The following ZNF385D variants were observed in gnomAD, a reference collection of about 807,000 sequenced individuals.
ZNF385D encodes zinc finger protein 659.
ZNF385D carries 15 observed loss-of-function variants against 35.8 expected under a neutral mutation model. The ratio of observed to expected loss-of-function variants is 0.42; its 90% CI spans 0.28 to 0.64. The LOEUF is 0.64. ZNF385D is among the 30% of genes least tolerant of loss of function. The pLI is 0.23. For missense variants in ZNF385D, 474 were observed against 494.6 expected, an observed-to-expected ratio of 0.96 and a Z score of 0.39; for synonymous variants, 212 against 186.8, an observed-to-expected ratio of 1.13 and a Z score of -1.10.
intron 3 of ZNF385D, among the ~76,000 whole-genome samples, chr3:21,982,218 C>T (rs1411013391): frequency 6.7e-6 from 1 of 150,254 alleles, no homozygotes; most frequent in Non-Finnish European, 1.5e-5. Context: ...TGGGATTTTT[C>T]TTCCATTTGT....
intron 3 of ZNF385D, among the ~76,000 whole-genome samples, chr3:21,785,598 C>T (rs898431974): frequency 6.6e-6 from 1 of 152,212 alleles, no homozygotes; most frequent in African/African-American, 2.4e-5. Context: ...ATCCTACTCA[C>T]TGATTCTATA....
At chr3:21,702,374 C>T (rs2067722128) in intron 1 of ZNF385D, among the ~76,000 whole-genome samples, 1 of 152,210 alleles carries the variant, frequency 6.6e-6, no homozygotes, top group Non-Finnish European at 1.5e-5. Flanking sequence ...ACAGAGGGCA[C>T]CAAGTCCCTA....
intron 1 of ZNF385D, among the ~76,000 whole-genome samples, chr3:21,706,538 C>T (rs531370512): frequency 1.6e-3 from 250 of 152,294 alleles, no homozygotes; most frequent in African/African-American, 5.8e-3. Context: ...GGCCCCTTAA[C>T]TAGAGGCAGA....
chr3:21,835,046 A>G (rs1695242693), intron 3 of ZNF385D, among the ~76,000 whole-genome samples: 1 of 152,120 alleles, frequency 6.6e-6, no homozygotes, highest in Non-Finnish European at 1.5e-5. Context: ...AAGTGCTAGG[A>G]ACAGCTCTAG....
chr3:22,229,561 C>T (rs1256646828), intron 2 of ZNF385D, among the ~76,000 whole-genome samples: 1 of 152,152 alleles, frequency 6.6e-6, no homozygotes, highest in Non-Finnish European at 1.5e-5. Flanking sequence ...AGGAGTGTTG[C>T]TCTCTCCTTT....
At chr3:21,774,692 C>T (rs2071215652) in intron 3 of ZNF385D, among the ~76,000 whole-genome samples, 1 of 151,702 alleles carries the variant, frequency 6.6e-6, no homozygotes, top group Non-Finnish European at 1.5e-5. Flanking sequence ...TGATGATGGG[C>T]TGTGATGGGG....
chr3:21,784,533 T>C (rs911131319), intron 3 of ZNF385D, among the ~76,000 whole-genome samples: 2 of 152,134 alleles, frequency 1.3e-5, no homozygotes, highest in African/African-American at 4.8e-5. Flanking sequence ...AGAAAAATTA[T>C]GCCTGATTAG....
At chr3:22,338,863 G>C (rs916999602) in intron 2 of ZNF385D, among the ~76,000 whole-genome samples, 2 of 151,762 alleles carry the variant, frequency 1.3e-5, no homozygotes, top group African/African-American at 4.8e-5. Context: ...ACCACACCTA[G>C]CTAATTTTTG....
intron 3 of ZNF385D, among the ~76,000 whole-genome samples, chr3:22,162,692 A>G (rs1036345138): frequency 6.6e-6 from 1 of 152,254 alleles, no homozygotes; most frequent in African/African-American, 2.4e-5. Context: ...AACTTCAACC[A>G]TTTGGCCTCT....
At chr3:22,147,926 G>GA (rs527674987) in intron 3 of ZNF385D, among the ~76,000 whole-genome samples, 34 of 152,194 alleles carry the variant, frequency 2.2e-4, no homozygotes, top group Middle Eastern at 6.8e-3. Context: ...CTCCAATACA[G>GA]AAAAAAAGTC....
rs182059267 is a variant in ZNF385D at position 22,269,311 on chromosome 3, C to T, written c.107-100276G>A. Among the ~76,000 whole-genome samples, 117 of 151,916 alleles carry T rather than the reference C, an allele frequency of 7.7e-4. 1 individual carries two copies. The highest frequency in any genetic ancestry group is 2.4e-3 in the African/African-American group (98 of 41,484). ...GGCATCCTTGGTGGCTATAAGACCA[C>T]GGAAATAAAAGGTCCCCTAAGAGTT... is the stretch of plus-strand genomic sequence containing the variant. On this transcript the variant is annotated intron_variant, in intron 2 of 5. Coordinates refer to the ZNF385D transcript ENST00000494108.
chr3:22,061,483 T>C (rs1699683788), intron 3 of ZNF385D, among the ~76,000 whole-genome samples: 1 of 152,132 alleles, frequency 6.6e-6, no homozygotes, highest in Non-Finnish European at 1.5e-5. Flanking sequence ...GCAGCTAGAA[T>C]CTCACTCTTA....
At chr3:22,114,271 T>C (rs941151540) in intron 3 of ZNF385D, among the ~76,000 whole-genome samples, 1 of 152,070 alleles carries the variant, frequency 6.6e-6, no homozygotes, top group African/African-American at 2.4e-5. Context: ...TGGTGAAATA[T>C]AAATGATTCT....
chr3:22,140,618 T>C (rs144068864), intron 3 of ZNF385D, among the ~76,000 whole-genome samples: 1 of 152,334 alleles, frequency 6.6e-6, no homozygotes, highest in African/African-American at 2.4e-5. Flanking sequence ...TAAAGTACTA[T>C]GGTTTTATAA....
intron 2 of ZNF385D, among the ~76,000 whole-genome samples, chr3:22,303,450 T>C (rs1448473452): frequency 6.6e-6 from 1 of 152,162 alleles, no homozygotes; most frequent in Non-Finnish European, 1.5e-5. Context: ...AGGAGAGGTA[T>C]TTGCTTTACA....
chr3:21,496,525 TTTGA>T (rs1705893896), intron 4 of ZNF385D, among the ~76,000 whole-genome samples: 1 of 130,928 alleles, frequency 7.6e-6, no homozygotes. Context: ...TACACATATA[TTTGA>T]TATATATATC....
chr3:21,549,614 G>C (rs1046637984), intron 3 of ZNF385D, among the ~76,000 whole-genome samples: 1 of 152,130 alleles, frequency 6.6e-6, no homozygotes, highest in Non-Finnish European at 1.5e-5. Context: ...TTTTCACACA[G>C]GGTTGACCTG....
intron 1 of ZNF385D, among the ~76,000 whole-genome samples, chr3:21,676,281 C>G (rs1432383322): frequency 6.6e-6 from 1 of 152,116 alleles, no homozygotes; most frequent in Non-Finnish European, 1.5e-5. Flanking sequence ...AAAAGATACT[C>G]TGATTTCAAT....
At chr3:21,947,549 A>G (rs1284839926) in intron 3 of ZNF385D, among the ~76,000 whole-genome samples, 1 of 152,034 alleles carries the variant, frequency 6.6e-6, no homozygotes, top group Non-Finnish European at 1.5e-5. Context: ...ATGGGGTTTC[A>G]CTGTGTTGGC....
Sources: allele counts gnomAD v4.1 joint callset (sites outside exome capture counted in the v4.1 genomes callset), GRCh38; gene constraint gnomAD v4.1.1; transcripts MANE v1.5; gene names NCBI Gene and HGNC (gene_info 2026-07-23, HGNC 2026-07-21).